Variants in ERCC6 observed in about 807,000 individuals in gnomAD.
The protein encoded by ERCC6 is ERCC excision repair 6, chromatin remodeling factor.
Under a neutral mutation model 158.7 loss-of-function variants are expected in ERCC6, and 116 were observed. The observed-to-expected ratio is 0.73, with a 90% CI of 0.63 to 0.85. The LOEUF (loss-of-function observed/expected upper bound fraction) is 0.85. Among genes scored for constraint, ERCC6 ranks in the 40% least tolerant of loss-of-function variants. ERCC6 has a pLI of 0.00. For missense variants in ERCC6, 1,698 were observed against 1,799.4 expected, an observed-to-expected ratio of 0.94 and a Z score of 1.02; for synonymous variants, 678 against 659.3, an observed-to-expected ratio of 1.03 and a Z score of -0.43.
the ERCC6 span, among the ~76,000 whole-genome samples, chr10:49,438,520 T>C: frequency 6.6e-6 from 1 of 152,150 alleles, no homozygotes; most frequent in African/African-American, 2.4e-5. Flanking sequence ...ACATGGGAAT[T>C]CTGGGAGCTA....
At chr10:49,510,985 G>T (rs959860839) in intron 5 of ERCC6, among the ~76,000 whole-genome samples, 6 of 150,116 alleles carry the variant, frequency 4.0e-5, no homozygotes, top group Non-Finnish European at 8.9e-5. Context: ...CAACATCAGA[G>T]AAGTTCTTAA....
At chr10:49,442,225 G>C in the ERCC6 span, among the ~76,000 whole-genome samples, 1 of 152,246 alleles carries the variant, frequency 6.6e-6, no homozygotes. Context: ...CGGGTGAGCT[G>C]CCACTGAGGA....
At chr10:49,537,773 C>CCTCCGCCAGG (rs1027403649) in intron 1 of ERCC6, among the ~76,000 whole-genome samples, 20 of 152,010 alleles carry the variant, frequency 1.3e-4, no homozygotes, top group South Asian at 2.1e-4. Flanking sequence ...TGGAGTGCAA[C>CCTCCGCCAGG]CTCCGCCAGG....
intron 8 of ERCC6, among the ~76,000 whole-genome samples, chr10:49,492,625 G>A (rs1371194164): frequency 3.9e-5 from 6 of 152,138 alleles, no homozygotes; most frequent in Admixed American, 2.0e-4. Context: ...AATACATGAC[G>A]ATCAAGGATT....
At chr10:49,472,557 C>A in intron 15 of ERCC6, 87 bp from the exon 16 acceptor site, 1 of 1,334,642 alleles carries the variant, frequency 7.5e-7, no homozygotes, top group Non-Finnish European at 1.1e-6. Context: ...CTGGTCACTA[C>A]CTGTCACTCC....
At chr10:49,529,531 T>C (rs559515698) in intron 3 of ERCC6, among the ~76,000 whole-genome samples, 38 of 152,310 alleles carry the variant, frequency 2.5e-4, no homozygotes, top group African/African-American at 8.7e-4. Context: ...TCTCTCTGAT[T>C]TGGGAGGACC....
chr10:49,521,734 T>C (rs2132614847), intron 5 of ERCC6, among the ~76,000 whole-genome samples: 1 of 152,214 alleles, frequency 6.6e-6, no homozygotes, highest in African/African-American at 2.4e-5. Flanking sequence ...GAAGGGGGAA[T>C]ACACGGTTTG....
intron 3 of ERCC6, among the ~76,000 whole-genome samples, chr10:49,530,355 G>A (rs1333977482): frequency 6.6e-6 from 1 of 152,080 alleles, no homozygotes; most frequent in South Asian, 2.1e-4. Context: ...ACTTAACTAT[G>A]GTTTGACTTA....
At chr10:49,500,977 T>C (rs942872917) in intron 6 of ERCC6, 3 of 369,834 alleles carry the variant, frequency 8.1e-6, no homozygotes, top group Non-Finnish European at 1.5e-5. Context: ...TTTTCAACAT[T>C]AGAAATAGCT....
intron 1 of ERCC6, among the ~76,000 whole-genome samples, chr10:49,537,301 CCA>C (rs1240752948): frequency 3.3e-5 from 5 of 149,946 alleles, no homozygotes; most frequent in African/African-American, 1.2e-4. Context: ...CGAGATCGCA[CCA>C]CTGCACTCCA....
chr10:49,471,888 CTAAAATCCCCTAGTCA>C (rs1850787787), intron 16 of ERCC6, among the ~76,000 whole-genome samples: 1 of 152,172 alleles, frequency 6.6e-6, no homozygotes, highest in African/African-American at 2.4e-5. Context: ...TTACCACTGT[CTAAAATCCCCTAGTCA>C]TTATGGAAAG....
chr10:49,520,944 G>A (rs192879899), intron 5 of ERCC6, among the ~76,000 whole-genome samples: 31 of 152,200 alleles, frequency 2.0e-4, no homozygotes, highest in Non-Finnish European at 7.4e-5. Flanking sequence ...TTTGGATAAG[G>A]GTCATATTAA....
Position 49,458,625 on chromosome 10 carries a change from C to A in ERCC6, c.*190G>T. 4.9e-6 allele frequency: 3 copies of A among 617,242 alleles called. No homozygotes were observed. Among genetic ancestry groups the A allele is most frequent in the East Asian group, 2.8e-5 (1 of 35,176 alleles). 38.2% of individuals were successfully genotyped at this position (617,242 alleles called of 1,614,324 possible). A position where few individuals can be genotyped will look rare whatever the true frequency, so the allele number is the denominator to read the frequency against. ...TCCAAGTATTTTCTCCTTTAGCTAGCATTATTAAAACTTTTAACTTTCAGA... is the reference window on the plus strand; with the variant it reads ...TCCAAGTATTTTCTCCTTTAGCTAGAATTATTAAAACTTTTAACTTTCAGA... On this transcript the variant is annotated 3_prime_UTR_variant, in exon 21 of 21. Coordinates refer to ENST00000355832, the MANE Select transcript of ERCC6 (RefSeq NM_000124.4).
intron 3 of ERCC6, among the ~76,000 whole-genome samples, chr10:49,529,682 C>T (rs1320190358): frequency 1.3e-5 from 2 of 152,154 alleles, no homozygotes; most frequent in Non-Finnish European, 2.9e-5. Context: ...AACCAACGCA[C>T]AGCCCTGCCC....
intron 1 of ERCC6, among the ~76,000 whole-genome samples, chr10:49,537,251 G>A (rs1221821402): frequency 6.6e-6 from 1 of 151,674 alleles, no homozygotes; most frequent in East Asian, 1.9e-4. Flanking sequence ...GGCTGGGGCA[G>A]GAGAATCGCT....
chr10:49,508,639 C>T lies in ERCC6; in HGVS notation c.1398-2627G>A, dbSNP rs565211335. On this transcript the variant is annotated intron_variant, in intron 5 of 20. Transcript: ENST00000355832. ...CAAATTGCCCCAGTAGAATTATACACATATTAAAGACAGAAAATATCATGG... is the reference window on the plus strand; with the variant it reads ...CAAATTGCCCCAGTAGAATTATACATATATTAAAGACAGAAAATATCATGG... Among the ~76,000 whole-genome samples, 5 of 152,278 alleles carry T rather than the reference C, an allele frequency of 3.3e-5. No homozygotes were observed. In the South Asian group the frequency reaches 1.0e-3, roughly 32 times the overall value.
At chr10:49,444,667 A>T in the ERCC6 span, among the ~76,000 whole-genome samples, 1 of 152,216 alleles carries the variant, frequency 6.6e-6, no homozygotes, top group Non-Finnish European at 1.5e-5. Flanking sequence ...GAGCTGAAAC[A>T]TTCTTCCAAA....
At chr10:49,515,242 G>T in intron 5 of ERCC6, 1 of 1,444,660 alleles carries the variant, frequency 6.9e-7, no homozygotes, top group Non-Finnish European at 9.1e-7. Context: ...GTTATGTGAC[G>T]TTCCAAAATT....
chr10:49,472,421 T>C lies in ERCC6; in HGVS notation c.2879A>G (p.Tyr960Cys), dbSNP rs1368341508. 1.2e-6 allele frequency: 2 copies of C among 1,614,026 alleles called. No homozygotes were observed. Among genetic ancestry groups the C allele is most frequent in the Admixed American group, 3.3e-5 (2 of 60,000 alleles). ...RIGQKKQVTV[Y>C]RLLTAGTIEE... is the part of the protein sequence containing the mutation. ...AATGGTGCCCGCAGTCAGGAGCCTG[T>C]ACACAGTCACTTGCTTCTTCTGGCC... Residue 960 changes from tyrosine (Y) to cysteine (C), a missense_variant, in exon 16 of 21, where the codon TAC (tyrosine) becomes TGC (cysteine). Transcript: ENST00000355832.
Sources: allele counts gnomAD v4.1 joint callset (sites outside exome capture counted in the v4.1 genomes callset), GRCh38; gene constraint gnomAD v4.1.1; transcripts MANE v1.5; gene names NCBI Gene and HGNC (gene_info 2026-07-23, HGNC 2026-07-21).